The following COL23A1 variants were observed in gnomAD, a reference collection of about 807,000 sequenced individuals.
The protein encoded by COL23A1 is collagen alpha-1(XXIII) chain.
Under a neutral mutation model 99.3 loss-of-function variants are expected in COL23A1, and 97 were observed. The observed-to-expected ratio is 0.98, with a 90% CI of 0.83 to 1.16. COL23A1 has a LOEUF of 1.16. Ranked by LOEUF, COL23A1 falls within the 50% of genes most tolerant of loss-of-function variation. COL23A1 has a pLI of 0.00. For synonymous variants in COL23A1, 320 were observed against 308.2 expected (o/e 1.04, Z -0.40); for missense variants, 762 against 757.4 (o/e 1.01, Z -0.07).
At chr5:178,350,723 C>T (rs1455337940) in intron 2 of COL23A1, 1 of 152,322 alleles carries the variant, frequency 6.6e-6, no homozygotes, top group Non-Finnish European at 1.5e-5. Flanking sequence ...GGCAGCCCTG[C>T]TGCTGTGCCA....
intron 2 of COL23A1, among the ~76,000 whole-genome samples, chr5:178,518,917 CCGG>C (rs1759776854): frequency 4.4e-5 from 6 of 135,032 alleles, no homozygotes; most frequent in Non-Finnish European, 9.3e-5. Context: ...CTCCATCCTC[CCGG>C]CGGTCGGGCG....
chr5:178,238,592 A>C lies in COL23A1; in HGVS notation c.*106T>G. The C allele has an allele frequency of 6.9e-7, 1 of 1,452,276 alleles. No homozygotes were observed. The allele number at this position is 1,452,276 out of a possible 1,614,324, so 90.0% of individuals were successfully genotyped here. A position where few individuals can be genotyped will look rare whatever the true frequency, so the allele number is the denominator to read the frequency against. On this transcript the variant is annotated 3_prime_UTR_variant, in exon 29 of 29. Transcript: ENST00000390654. ...GCATACTCTTGAATGTTAAAAGGCC[A>C]CAGGTAGCGCATTCCATGAAAAAAG...
intron 2 of COL23A1, among the ~76,000 whole-genome samples, chr5:178,551,280 G>A (rs955865860): frequency 2.1e-5 from 2 of 95,128 alleles, no homozygotes; most frequent in Admixed American, 1.2e-4. Context: ...GTGGTCACAA[G>A]AACATCTCCA....
intron 2 of COL23A1, among the ~76,000 whole-genome samples, chr5:178,390,356 A>T (rs144374278): frequency 1.3e-5 from 2 of 152,360 alleles, no homozygotes; most frequent in South Asian, 2.1e-4. Flanking sequence ...AAGGAGGCAC[A>T]TGGCCATGAG....
At chr5:178,424,168 A>G (rs913579386) in intron 2 of COL23A1, among the ~76,000 whole-genome samples, 1 of 152,218 alleles carries the variant, frequency 6.6e-6, no homozygotes, top group African/African-American at 2.4e-5. Context: ...CCTCCCTTGC[A>G]GGCCCGCAGC....
At chr5:178,328,732 C>T (rs187890970) in intron 2 of COL23A1, among the ~76,000 whole-genome samples, 2 of 152,224 alleles carry the variant, frequency 1.3e-5, no homozygotes, top group South Asian at 2.1e-4. Context: ...TGTTTGGTGC[C>T]GACACACAAC....
intron 3 of COL23A1, among the ~76,000 whole-genome samples, chr5:178,296,496 C>T (rs952369488): frequency 2.0e-5 from 3 of 152,198 alleles, no homozygotes; most frequent in Non-Finnish European, 2.9e-5. Flanking sequence ...GCGGATCCCA[C>T]GCAGGGGCTG....
chr5:178,317,110 G>A (rs775056242), intron 2 of COL23A1, among the ~76,000 whole-genome samples: 9 of 152,192 alleles, frequency 5.9e-5, no homozygotes, highest in Non-Finnish European at 1.2e-4. Flanking sequence ...GTCAGTCTCT[G>A]TTCTAGTCAT....
chr5:178,247,431 G>A lies in COL23A1; in HGVS notation c.1296+95C>T, dbSNP rs1462023926. 7 of 1,395,612 alleles carry A rather than the reference G, an allele frequency of 5.0e-6. No individual in the cohort carries two copies. The African/African-American group carries it at 8.5e-5, about 17-fold the overall frequency. The allele number at this position is 1,395,612 out of a possible 1,614,324, so 86.5% of individuals were successfully genotyped here. Reference sequence around the variant, plus strand: ...GAAGACTCAGGGATGGGCCAGGGCGGAGCGTCAGGCCCTTTGCTTTGCCCA... The same window carrying A: ...GAAGACTCAGGGATGGGCCAGGGCGAAGCGTCAGGCCCTTTGCTTTGCCCA... On this transcript the variant is annotated intron_variant, in intron 22 of 28. Transcript: ENST00000390654.
At chr5:178,348,498 C>A (rs772767873) in intron 2 of COL23A1, among the ~76,000 whole-genome samples, 1 of 152,212 alleles carries the variant, frequency 6.6e-6, no homozygotes, top group Non-Finnish European at 1.5e-5. Flanking sequence ...CCTCCCTTGG[C>A]AGTCAGGGTT....
chr5:178,564,041 T>C (rs1388742257), intron 1 of COL23A1, among the ~76,000 whole-genome samples: 2 of 152,222 alleles, frequency 1.3e-5, no homozygotes, highest in Non-Finnish European at 2.9e-5. Flanking sequence ...CAATTCACTT[T>C]TAACAACTGC....
chr5:178,248,327 TC>T, intron 19 of COL23A1, 73 bp from the exon 20 acceptor site: 1 of 1,149,470 alleles, frequency 8.7e-7, no homozygotes, highest in Admixed American at 2.1e-5. Context: ...CTTAGTGACC[TC>T]CCTTCCTTCC....
At chr5:178,377,027 C>G (rs539078192) in intron 2 of COL23A1, among the ~76,000 whole-genome samples, 2 of 152,322 alleles carry the variant, frequency 1.3e-5, no homozygotes, top group African/African-American at 4.8e-5. Context: ...TTGAAGGGGT[C>G]ACCGGCTGGA....
At chr5:178,357,736 G>GTATGTA (rs1554144774) in intron 2 of COL23A1, among the ~76,000 whole-genome samples, 14 of 150,016 alleles carry the variant, frequency 9.3e-5, no homozygotes, top group South Asian at 2.2e-4. Context: ...GTGTGTGTGT[G>GTATGTA]TATGTACGTG....
At chr5:178,576,768 C>G (rs1323474733) in intron 1 of COL23A1, among the ~76,000 whole-genome samples, 1 of 152,066 alleles carries the variant, frequency 6.6e-6, no homozygotes, top group South Asian at 2.1e-4. Context: ...CCCCGGCGAC[C>G]GCCGCGCCGG....
chr5:178,480,562 G>T (rs1267341628), intron 2 of COL23A1, among the ~76,000 whole-genome samples: 1 of 152,180 alleles, frequency 6.6e-6, no homozygotes, highest in Non-Finnish European at 1.5e-5. Flanking sequence ...AATTGAAAAT[G>T]ACCCCAGATA....
At chr5:178,318,033 G>A (rs1450001069) in intron 2 of COL23A1, among the ~76,000 whole-genome samples, 31 of 152,172 alleles carry the variant, frequency 2.0e-4, no homozygotes, top group Admixed American at 1.4e-3. Flanking sequence ...AGTTCAAGAT[G>A]AGATTTGGGT....
chr5:178,575,958 T>C (rs2113684331), intron 1 of COL23A1, among the ~76,000 whole-genome samples: 1 of 152,324 alleles, frequency 6.6e-6, no homozygotes, highest in African/African-American at 2.4e-5. Flanking sequence ...GTCAATCCAT[T>C]GATTCCTCTA....
At chr5:178,296,404 C>CCCAGAAAGGCTA (rs1038435549) in intron 3 of COL23A1, among the ~76,000 whole-genome samples, 6 of 152,160 alleles carry the variant, frequency 3.9e-5, no homozygotes, top group Admixed American at 3.3e-4. Flanking sequence ...GAAACTGAGG[C>CCCAGAAAGGCTA]CCAGAAAGGC....
Sources: gnomAD v4.1 joint callset for allele counts (sites outside exome capture counted in the v4.1 genomes callset) on GRCh38, gnomAD v4.1.1 for gene constraint, MANE v1.5 for transcripts, NCBI Gene and HGNC (gene_info 2026-07-23, HGNC 2026-07-21) for gene names.